The following DLGAP2 variants were observed in gnomAD, a reference collection of about 807,000 sequenced individuals.
DLGAP2 encodes disks large-associated protein 2.
DLGAP2 carries 26 observed loss-of-function variants against 100.3 expected under a neutral mutation model. The ratio of observed to expected loss-of-function variants is 0.26; its 90% CI spans 0.19 to 0.36. The LOEUF is 0.36. DLGAP2 is among the 10% of genes least tolerant of loss of function. The probability of loss-of-function intolerance (pLI) is 1.00; values close to 1 mark genes in which losing one functional copy is unlikely to be tolerated. For synonymous variants in DLGAP2, 886 were observed against 630.1 expected, an observed-to-expected ratio of 1.41 and a Z score of -6.08; for missense variants, 1,858 against 1,453.2, an observed-to-expected ratio of 1.28 and a Z score of -4.53.
chr8:1,344,624 G>T (rs777166686), intron 3 of DLGAP2, among the ~76,000 whole-genome samples: 1 of 152,104 alleles, frequency 6.6e-6, no homozygotes. Context: ...GGAAAACCCG[G>T]CACTGGTCTA....
chr8:1,356,302 C>G lies in DLGAP2; in HGVS notation c.106+97419C>G, dbSNP rs555712709. ...GTCCTCTGGTTTTGCAGCTGTATCA[C>G]TCCCCTCACCTTACGGTTTCAACGT... On this transcript the variant is annotated intron_variant, in intron 3 of 14. Transcript: ENST00000637795. Among the ~76,000 whole-genome samples, 16 of 152,376 alleles carry G rather than the reference C, an allele frequency of 1.1e-4. No homozygotes were observed. In the East Asian group the frequency reaches 2.1e-3, roughly 20 times the overall value.
At chr8:989,803 G>T (rs946023624) in intron 2 of DLGAP2, among the ~76,000 whole-genome samples, 1 of 152,104 alleles carries the variant, frequency 6.6e-6, no homozygotes, top group Non-Finnish European at 1.5e-5. Context: ...CTTCCCCAGG[G>T]TCCCTGCTAA....
chr8:1,480,088 C>T (rs1799048121), intron 3 of DLGAP2, among the ~76,000 whole-genome samples: 1 of 152,182 alleles, frequency 6.6e-6, no homozygotes, highest in African/African-American at 2.4e-5. Context: ...CAGTGAGTCC[C>T]AGGGACGCCC....
chr8:847,669 G>A (rs1374215841), intron 1 of DLGAP2, among the ~76,000 whole-genome samples: 1 of 152,022 alleles, frequency 6.6e-6, no homozygotes, highest in African/African-American at 2.4e-5. Context: ...ACCACACCTG[G>A]CTAATTTTTG....
chr8:1,269,864 A>T (rs1799543846), intron 3 of DLGAP2, among the ~76,000 whole-genome samples: 1 of 152,198 alleles, frequency 6.6e-6, no homozygotes, highest in Admixed American at 6.5e-5. Flanking sequence ...GGAACCAAAA[A>T]GGGAAACTCG....
At chr8:744,791 T>A (rs1820574804) in intron 1 of DLGAP2, among the ~76,000 whole-genome samples, 4 of 152,240 alleles carry the variant, frequency 2.6e-5, no homozygotes, top group African/African-American at 7.2e-5. Flanking sequence ...TGGACGGTGC[T>A]TTTCATTCCG....
At chr8:1,290,354 A>G (rs1316892136) in intron 3 of DLGAP2, among the ~76,000 whole-genome samples, 1 of 152,232 alleles carries the variant, frequency 6.6e-6, no homozygotes, top group Non-Finnish European at 1.5e-5. Flanking sequence ...GTCCCGCTTT[A>G]CAAATGGTGC....
chr8:875,648 T>C (rs1158812553), intron 1 of DLGAP2, among the ~76,000 whole-genome samples: 1 of 152,248 alleles, frequency 6.6e-6, no homozygotes, highest in African/African-American at 2.4e-5. Flanking sequence ...GTCGTGAGTA[T>C]GTCCTTATAG....
Position 1,169,203 on chromosome 8 carries a change from G to A in DLGAP2, c.74-89648G>A, listed in dbSNP as rs370056585. Among the ~76,000 whole-genome samples, 205 of 152,122 alleles carry A rather than the reference G, an allele frequency of 1.3e-3. 2 individuals carry two copies. Among genetic ancestry groups the A allele is most frequent in the Admixed American group, 3.9e-3 (59 of 15,286 alleles). On this transcript the variant is annotated intron_variant, in intron 2 of 14. Transcript: ENST00000637795. ...GATCAGATGGTTGTAGATATGCGGC[G>A]TTATTTCTGAGGGCTCTGTTCTGTA...
At chr8:1,298,953 A>G (rs1274612978) in intron 3 of DLGAP2, among the ~76,000 whole-genome samples, 2 of 152,072 alleles carry the variant, frequency 1.3e-5, no homozygotes, top group Non-Finnish European at 2.9e-5. Context: ...GAGCTGCGGC[A>G]TTCACGTCTG....
At chr8:1,595,257 A>G (rs1388821438) in intron 6 of DLGAP2, among the ~76,000 whole-genome samples, 2 of 151,928 alleles carry the variant, frequency 1.3e-5, no homozygotes, top group African/African-American at 4.8e-5. Context: ...CCCAGGTTTT[A>G]CGGGCTTTTT....
At chr8:1,308,101 C>T (rs1292790401) in intron 3 of DLGAP2, among the ~76,000 whole-genome samples, 1 of 152,166 alleles carries the variant, frequency 6.6e-6, no homozygotes, top group African/African-American at 2.4e-5. Context: ...CAGAAAAGGC[C>T]TAGGAAGACC....
intron 3 of DLGAP2, among the ~76,000 whole-genome samples, chr8:1,337,190 AGAATGATGGTG>A (rs1436039678): frequency 6.0e-5 from 7 of 116,596 alleles, no homozygotes; most frequent in Non-Finnish European, 1.0e-4. Context: ...GGTGGTGGTG[AGAATGATGGTG>A]ATGATGGTGA....
At chr8:1,421,674 A>G (rs28434772) in intron 3 of DLGAP2, among the ~76,000 whole-genome samples, 48 of 152,296 alleles carry the variant, frequency 3.2e-4, no homozygotes, top group African/African-American at 1.1e-3. Flanking sequence ...GGCTATAACA[A>G]AATTCATAAG....
intron 3 of DLGAP2, among the ~76,000 whole-genome samples, chr8:1,342,858 T>G (rs1465951844): frequency 1.3e-5 from 2 of 152,210 alleles, no homozygotes; most frequent in Non-Finnish European, 2.9e-5. Flanking sequence ...CACAATTCTT[T>G]CCCTTACCTT....
At chr8:1,487,160 A>G (rs974588547) in intron 3 of DLGAP2, among the ~76,000 whole-genome samples, 1 of 152,258 alleles carries the variant, frequency 6.6e-6, no homozygotes, top group Non-Finnish European at 1.5e-5. Context: ...ATGTATTTAA[A>G]ACAAGAAGAA....
intron 6 of DLGAP2, among the ~76,000 whole-genome samples, chr8:1,596,550 T>C (rs1052056585): frequency 1.3e-5 from 2 of 152,218 alleles, no homozygotes; most frequent in Admixed American, 6.5e-5. Context: ...TCCTGGCTTT[T>C]TAATGATCGT....
At chr8:886,749 C>T (rs1797931558) in intron 1 of DLGAP2, among the ~76,000 whole-genome samples, 1 of 152,194 alleles carries the variant, frequency 6.6e-6, no homozygotes, top group Admixed American at 6.6e-5. Flanking sequence ...GTTATGATTT[C>T]AGTTCTTTTG....
intron 2 of DLGAP2, among the ~76,000 whole-genome samples, chr8:972,653 T>C (rs1213415735): frequency 6.6e-6 from 1 of 152,000 alleles, no homozygotes; most frequent in Non-Finnish European, 1.5e-5. Flanking sequence ...ATCATTCTTG[T>C]GTGTTTCTCG....
Sources: gnomAD v4.1 joint callset for allele counts (sites outside exome capture counted in the v4.1 genomes callset) on GRCh38, gnomAD v4.1.1 for gene constraint, MANE v1.5 for transcripts, NCBI Gene and HGNC (gene_info 2026-07-23, HGNC 2026-07-21) for gene names.